Variants in SUCLG2 observed in about 807,000 individuals in gnomAD.
SUCLG2 encodes the protein succinate--CoA ligase [GDP-forming] subunit beta, mitochondrial.
In SUCLG2, 42 loss-of-function variants were observed where a neutral mutation model predicts 47.9. That is an observed-to-expected ratio of 0.88 (90% CI 0.69 to 1.14). The LOEUF (loss-of-function observed/expected upper bound fraction) is 1.14, where lower values mean the gene tolerates loss of function less well. Among genes scored for constraint, SUCLG2 ranks in the 50% most tolerant of loss-of-function variants. SUCLG2 has a pLI of 0.00. For synonymous variants in SUCLG2, 195 were observed against 197.3 expected, an observed-to-expected ratio of 0.99 and a Z score of 0.10; for missense variants, 571 against 525.9, an observed-to-expected ratio of 1.09 and a Z score of -0.84.
At chr3:67,498,088 T>C in intron 8 of SUCLG2, 46 bp downstream of exon 8, 1 of 1,550,008 alleles carries the variant, frequency 6.5e-7, no homozygotes, top group Non-Finnish European at 8.8e-7. Context: ...TTTCCTAAAT[T>C]CTATAAGAAT....
Position 67,632,061 on chromosome 3 carries a change from G to T in SUCLG2, c.84+22442C>A, listed in dbSNP as rs577467123. 3.0e-4 allele frequency among the ~76,000 whole-genome samples: 45 copies of T among 152,270 alleles called. No homozygotes were observed. The South Asian group carries it at 9.1e-3, about 31-fold the overall frequency. ...GAATAATACAGATTTCAGCCCATAT[G>T]CCCATCATCATTTATCTCTAAGACT... On this transcript the variant is annotated intron_variant, in intron 1 of 10. Coordinates refer to ENST00000307227, the MANE Select transcript of SUCLG2 (RefSeq NM_003848.4).
chr3:67,462,732 C>A (rs970843545), intron 9 of SUCLG2, among the ~76,000 whole-genome samples: 1 of 152,182 alleles, frequency 6.6e-6, no homozygotes, highest in African/African-American at 2.4e-5. Context: ...TCATGGGAAA[C>A]CCAATTTATA....
At chr3:67,612,506 A>G (rs755099620) in intron 1 of SUCLG2, among the ~76,000 whole-genome samples, 8 of 151,972 alleles carry the variant, frequency 5.3e-5, no homozygotes, top group Non-Finnish European at 2.9e-5. Flanking sequence ...ACTGCTGAAT[A>G]ATAATAACAA....
At position 67,442,909 on chromosome 3, in the gene SUCLG2, A is replaced by C. The variant is rs146367370; in HGVS notation, c.1063-42058T>G. Among the ~76,000 whole-genome samples the C allele has an allele frequency of 7.2e-3, 1,090 of 152,318 alleles. 11 individuals carry two copies. Among genetic ancestry groups the C allele is most frequent in the African/African-American group, 0.025 (1,043 of 41,560 alleles). On this transcript the variant is annotated intron_variant, in intron 9 of 10. Coordinates refer to ENST00000307227, the MANE Select transcript of SUCLG2 (RefSeq NM_003848.4). Reference sequence around the variant, plus strand: ...TGTGCATCCCCTTCACAATTGTAAGAGTCACACACATAAATAATACAATCA... The same window carrying C: ...TGTGCATCCCCTTCACAATTGTAAGCGTCACACACATAAATAATACAATCA...
At chr3:67,633,345 G>A (rs1700958175) in intron 1 of SUCLG2, among the ~76,000 whole-genome samples, 1 of 152,242 alleles carries the variant, frequency 6.6e-6, no homozygotes, top group African/African-American at 2.4e-5. Context: ...GTAGTACACT[G>A]CAATCAGTTT....
intron 2 of SUCLG2, among the ~76,000 whole-genome samples, chr3:67,536,889 T>C (rs12496418): frequency 0.55 from 84,170 of 151,984 alleles, 24,202 homozygotes; most frequent in Non-Finnish European, 0.63. Context: ...ACAAGAGAAC[T>C]AAAGATTTTC....
intron 4 of SUCLG2, among the ~76,000 whole-genome samples, chr3:67,525,826 T>C (rs1706241397): frequency 6.6e-6 from 1 of 152,152 alleles, no homozygotes; most frequent in Non-Finnish European, 1.5e-5. Context: ...CAAATGACCC[T>C]GTTGAAAAAA....
chr3:67,399,645 G>A lies in SUCLG2; in HGVS notation c.1183+1086C>T, dbSNP rs192460859. 2.2e-4 allele frequency among the ~76,000 whole-genome samples: 33 copies of A among 152,224 alleles called. No individual in the cohort carries two copies. The East Asian group carries it at 6.2e-3, about 29-fold the overall frequency. On this transcript the variant is annotated intron_variant, in intron 10 of 10. Transcript: ENST00000307227. ...TTTTTTTTATATTGTACATTGAAAT[G>A]AGACAACCTTTGGAAGATCTGCATA...
At chr3:67,415,499 C>G (rs1242692227) in intron 9 of SUCLG2, among the ~76,000 whole-genome samples, 1 of 152,198 alleles carries the variant, frequency 6.6e-6, no homozygotes, top group African/African-American at 2.4e-5. Flanking sequence ...AGATGGCATA[C>G]AGTATAGAGG....
At chr3:67,497,028 T>C (rs1276705210) in intron 8 of SUCLG2, among the ~76,000 whole-genome samples, 1 of 152,200 alleles carries the variant, frequency 6.6e-6, no homozygotes, top group Non-Finnish European at 1.5e-5. Context: ...CTATAAATAA[T>C]CTGTATTTAA....
intron 10 of SUCLG2, among the ~76,000 whole-genome samples, chr3:67,367,282 T>C (rs1701888696): frequency 6.6e-6 from 1 of 152,152 alleles, no homozygotes; most frequent in East Asian, 1.9e-4. Context: ...TTTTTTGCAG[T>C]TTAATATTTA....
chr3:67,556,589 G>A (rs954300549), intron 2 of SUCLG2, among the ~76,000 whole-genome samples: 1 of 152,000 alleles, frequency 6.6e-6, no homozygotes, highest in African/African-American at 2.4e-5. Flanking sequence ...GTGTCTGCTG[G>A]TCAAGCCACA....
chr3:67,416,210 T>G (rs1703036162), intron 9 of SUCLG2, among the ~76,000 whole-genome samples: 1 of 152,210 alleles, frequency 6.6e-6, no homozygotes, highest in South Asian at 2.1e-4. Context: ...AAGGTTGAAT[T>G]GTTGGCTCAC....
intron 9 of SUCLG2, among the ~76,000 whole-genome samples, chr3:67,466,310 G>A (rs1297871386): frequency 3.3e-5 from 5 of 152,176 alleles, no homozygotes; most frequent in Non-Finnish European, 2.9e-5. Flanking sequence ...CTGAGATAGT[G>A]CCATTGCACT....
At chr3:67,615,621 A>ACACACACACAC (rs1553670704) in intron 1 of SUCLG2, among the ~76,000 whole-genome samples, 14 of 142,166 alleles carry the variant, frequency 9.8e-5, no homozygotes, top group African/African-American at 3.4e-4. Context: ...CACAAACACA[A>ACACACACACAC]ACACACACAC....
At chr3:67,598,497 G>A (rs1480877834) in intron 2 of SUCLG2, among the ~76,000 whole-genome samples, 3 of 152,136 alleles carry the variant, frequency 2.0e-5, no homozygotes, top group South Asian at 2.1e-4. Flanking sequence ...CACCTACACC[G>A]AAGAGACAGA....
At chr3:67,436,379 T>A (rs1703622397) in intron 9 of SUCLG2, among the ~76,000 whole-genome samples, 1 of 152,124 alleles carries the variant, frequency 6.6e-6, no homozygotes, top group African/African-American at 2.4e-5. Flanking sequence ...ATGGGCTCAG[T>A]CATTATGGAA....
intron 9 of SUCLG2, among the ~76,000 whole-genome samples, chr3:67,420,679 C>A (rs895415002): frequency 1.3e-5 from 2 of 152,128 alleles, no homozygotes; most frequent in Non-Finnish European, 2.9e-5. Flanking sequence ...ATGTAGGAGT[C>A]CTTTTCATAT....
chr3:67,575,197 A>T (rs911238877), intron 2 of SUCLG2, among the ~76,000 whole-genome samples: 3 of 152,206 alleles, frequency 2.0e-5, no homozygotes, highest in African/African-American at 7.2e-5. Flanking sequence ...TTCCAATCCT[A>T]GGTATCTATT....
Sources: gnomAD v4.1 joint callset for allele counts (sites outside exome capture counted in the v4.1 genomes callset) on GRCh38, gnomAD v4.1.1 for gene constraint, MANE v1.5 for transcripts, NCBI Gene and HGNC (gene_info 2026-07-23, HGNC 2026-07-21) for gene names.